The following SLC25A26 variants were observed in gnomAD, a reference collection of about 807,000 sequenced individuals.
SLC25A26 encodes the protein mitochondrial S-adenosylmethionine carrier protein.
A neutral mutation model predicts 37.8 loss-of-function variants in SLC25A26; 36 were observed. The observed-to-expected ratio is 0.95, with a 90% CI of 0.73 to 1.26. SLC25A26 has a LOEUF of 1.26. Among genes scored for constraint, SLC25A26 ranks in the 50% most tolerant of loss-of-function variants. The pLI, the probability that SLC25A26 is intolerant of heterozygous loss-of-function variation, is 0.00. For synonymous variants in SLC25A26, 129 were observed against 122.5 expected (o/e 1.05, Z -0.35); for missense variants, 390 against 331.1 (o/e 1.18, Z -1.38).
At chr3:66,298,263 G>A (rs1380308418) in intron 5 of SLC25A26, among the ~76,000 whole-genome samples, 1 of 152,168 alleles carries the variant, frequency 6.6e-6, no homozygotes, top group African/African-American at 2.4e-5. Flanking sequence ...CATTTGATAG[G>A]TATATCAGGA....
At chr3:66,314,761 G>T (rs866574638) in intron 5 of SLC25A26, among the ~76,000 whole-genome samples, 58 of 143,660 alleles carry the variant, frequency 4.0e-4, no homozygotes, top group Middle Eastern at 3.6e-3. Context: ...GCTTTTTTTT[G>T]TTTTTTTTTT....
chr3:66,146,153 A>G (rs28526475), intron 1 of SLC25A26, among the ~76,000 whole-genome samples: 52,058 of 151,742 alleles, frequency 0.34, 9,168 homozygotes, highest in East Asian at 0.46. Context: ...CAGCCTGGCC[A>G]AAATAGTGAA....
chr3:66,316,118 A>ATC (rs2075532021), intron 5 of SLC25A26, among the ~76,000 whole-genome samples: 1 of 152,160 alleles, frequency 6.6e-6, no homozygotes, highest in Admixed American at 6.5e-5. Flanking sequence ...TTTACATTTA[A>ATC]GGTTACTATT....
Position 66,318,659 on chromosome 3 carries a change from A to AT in SLC25A26, c.454-27705_454-27704insT, listed in dbSNP as rs1248935973. Among the ~76,000 whole-genome samples, 175 of 148,826 alleles carry AT rather than the reference A, an allele frequency of 1.2e-3. 1 individual carries two copies. The highest frequency in any genetic ancestry group is 0.011 in the Middle Eastern group (3 of 284). On this transcript the variant is annotated intron_variant, in intron 5 of 9. Coordinates refer to ENST00000354883, the MANE Select transcript of SLC25A26 (RefSeq NM_001379210.1). ...CCTGACTTTTATTTATTAAAAAAAA[A>AT]ATTTTTTTTTGTTTTTTTTGAGACA...
At chr3:66,329,788 C>G (rs1371615299) in intron 5 of SLC25A26, among the ~76,000 whole-genome samples, 1 of 152,130 alleles carries the variant, frequency 6.6e-6, no homozygotes, top group African/African-American at 2.4e-5. Flanking sequence ...ACCTCGAACT[C>G]CTGGCCTCAA....
At chr3:66,178,640 A>T (rs574609569) in intron 1 of SLC25A26, among the ~76,000 whole-genome samples, 41 of 152,310 alleles carry the variant, frequency 2.7e-4, no homozygotes, top group African/African-American at 9.4e-4. Flanking sequence ...AGGGAGTAGC[A>T]TTCCCTGATA....
chr3:66,181,771 T>TC (rs1455258881), intron 1 of SLC25A26, among the ~76,000 whole-genome samples: 2 of 123,394 alleles, frequency 1.6e-5, no homozygotes, highest in African/African-American at 6.1e-5. Context: ...CCTGATCCCC[T>TC]CCCCTTGTCT....
chr3:66,185,533 A>G (rs1380886597), intron 1 of SLC25A26, among the ~76,000 whole-genome samples: 3 of 152,258 alleles, frequency 2.0e-5, no homozygotes, highest in Admixed American at 6.5e-5. Context: ...ATTGTTTTCC[A>G]TAGCGGCTGT....
At chr3:66,208,768 G>GTATA (rs1212980240) in intron 1 of SLC25A26, among the ~76,000 whole-genome samples, 491 of 48,412 alleles carry the variant, frequency 0.01, 9 homozygotes, top group African/African-American at 0.017. Flanking sequence ...TTATATGGGT[G>GTATA]TATATATATA....
At chr3:66,170,268 C>T (rs903909670) in intron 1 of SLC25A26, among the ~76,000 whole-genome samples, 4 of 152,180 alleles carry the variant, frequency 2.6e-5, no homozygotes, top group Non-Finnish European at 2.9e-5. Flanking sequence ...AAACTGTGCA[C>T]GGCTTTACAC....
At chr3:66,197,764 G>A (rs993846521) in intron 1 of SLC25A26, among the ~76,000 whole-genome samples, 27 of 151,990 alleles carry the variant, frequency 1.8e-4, no homozygotes, top group Non-Finnish European at 3.8e-4. Context: ...GCAAGACAGG[G>A]TTATTGTGAG....
chr3:66,249,353 A>G (rs1304633348), intron 3 of SLC25A26, among the ~76,000 whole-genome samples: 1 of 152,206 alleles, frequency 6.6e-6, no homozygotes, highest in Non-Finnish European at 1.5e-5. Context: ...CTCCTTTGGT[A>G]TCAGCATATG....
chr3:66,273,329 C>CCT (rs1217775881), intron 5 of SLC25A26, among the ~76,000 whole-genome samples: 5 of 151,982 alleles, frequency 3.3e-5, no homozygotes, highest in African/African-American at 9.7e-5. Context: ...GGGAGGATTC[C>CCT]CTTTTTCTAT....
At chr3:66,266,984 G>A (rs1169462783) in intron 5 of SLC25A26, among the ~76,000 whole-genome samples, 1 of 152,186 alleles carries the variant, frequency 6.6e-6, no homozygotes, top group African/African-American at 2.4e-5. Context: ...AAACTTAGCA[G>A]ATGTCTTTTG....
chr3:66,172,904 A>T (rs1055664809), intron 1 of SLC25A26, among the ~76,000 whole-genome samples: 7 of 152,184 alleles, frequency 4.6e-5, no homozygotes, highest in Non-Finnish European at 1.0e-4. Context: ...TAGGCACCTC[A>T]TCTTAACTAA....
chr3:66,153,059 A>G (rs28416976), intron 1 of SLC25A26, among the ~76,000 whole-genome samples: 86,301 of 152,050 alleles, frequency 0.57, 25,297 homozygotes, highest in African/African-American at 0.69. Flanking sequence ...TTTACCTAAA[A>G]CATACTTCTC....
intron 2 of SLC25A26, among the ~76,000 whole-genome samples, chr3:66,242,561 TC>T (rs1430101462): frequency 6.6e-6 from 1 of 152,240 alleles, no homozygotes; most frequent in Non-Finnish European, 1.5e-5. Flanking sequence ...TTGTGCCTTA[TC>T]TTTTATCCAA....
chr3:66,273,946 G>A (rs1394764297), intron 5 of SLC25A26, among the ~76,000 whole-genome samples: 8 of 151,924 alleles, frequency 5.3e-5, no homozygotes, highest in South Asian at 4.1e-4. Flanking sequence ...CGCCAAGTCA[G>A]TCCTAAGCCA....
intron 9 of SLC25A26, among the ~76,000 whole-genome samples, chr3:66,370,854 C>T (rs1034559869): frequency 6.6e-6 from 1 of 152,228 alleles, no homozygotes; most frequent in African/African-American, 2.4e-5. Context: ...GTGTGGCTCT[C>T]ACCAGGGTCT....
Sources: gnomAD v4.1 joint callset for allele counts (sites outside exome capture counted in the v4.1 genomes callset) on GRCh38, gnomAD v4.1.1 for gene constraint, MANE v1.5 for transcripts, NCBI Gene and HGNC (gene_info 2026-07-23, HGNC 2026-07-21) for gene names.